The following WWOX variants were observed in gnomAD, a reference collection of about 807,000 sequenced individuals.
WWOX encodes the protein WW domain containing oxidoreductase.
WWOX carries 69 observed loss-of-function variants against 46.2 expected under a neutral mutation model. That is an observed-to-expected ratio of 1.49 (90% CI 1.23 to 1.82). WWOX has a LOEUF of 1.82. WWOX is among the 40% of genes most tolerant of loss of function. The probability of loss-of-function intolerance (pLI) is 0.00; values close to 1 mark genes in which losing one functional copy is unlikely to be tolerated. For synonymous variants in WWOX, 359 were observed against 202.6 expected (o/e 1.77, Z -6.56); for missense variants, 919 against 542.6 (o/e 1.69, Z -6.89).
chr16:78,499,825 C>G (rs1226231497), intron 8 of WWOX, among the ~76,000 whole-genome samples: 2 of 152,176 alleles, frequency 1.3e-5, no homozygotes, highest in African/African-American at 4.8e-5. Flanking sequence ...CCCATTGTCT[C>G]TGGATGCTGA....
chr16:78,315,464 C>G (rs1262062288), intron 5 of WWOX, among the ~76,000 whole-genome samples: 1 of 152,102 alleles, frequency 6.6e-6, no homozygotes, highest in South Asian at 2.1e-4. Flanking sequence ...GCCCGGCCAA[C>G]ATGGTGAGAC....
chr16:78,266,301 A>C (rs1046630088), intron 5 of WWOX, among the ~76,000 whole-genome samples: 1 of 152,224 alleles, frequency 6.6e-6, no homozygotes, highest in African/African-American at 2.4e-5. Context: ...GAAATTCCAG[A>C]GAGATCTGAA....
At chr16:78,645,734 C>G (rs60624620) in intron 8 of WWOX, among the ~76,000 whole-genome samples, 8,230 of 152,206 alleles carry the variant, frequency 0.054, 310 homozygotes, top group South Asian at 0.17. Flanking sequence ...TCATCAGCCA[C>G]GGCCTCCAAC....
At chr16:78,546,778 C>T (rs557994837) in intron 8 of WWOX, among the ~76,000 whole-genome samples, 27 of 152,182 alleles carry the variant, frequency 1.8e-4, no homozygotes, top group Admixed American at 1.4e-3. Context: ...AAGTTACTGA[C>T]GTGTGTTACC....
At chr16:79,042,829 C>G (rs999714845) in intron 8 of WWOX, among the ~76,000 whole-genome samples, 9 of 149,804 alleles carry the variant, frequency 6.0e-5, no homozygotes, top group African/African-American at 2.2e-4. Context: ...CAAAACAAAA[C>G]AAGAAACCCA....
rs141971379 is a variant in WWOX, at chr16:78,121,949, C to T, written c.409+6795C>T. Among the ~76,000 whole-genome samples the T allele has an allele frequency of 2.6e-3, 400 of 152,300 alleles. 5 individuals are homozygous for T. The highest frequency in any genetic ancestry group is 0.017 in the South Asian group (82 of 4,832). ...ATGCTGGGATTACAGGTGTGAACCG[C>T]TGTGCCTGGCCCGTGTTTCACTTTT... On this transcript the variant is annotated intron_variant, in intron 4 of 8. Transcript: ENST00000566780.
intron 8 of WWOX, among the ~76,000 whole-genome samples, chr16:78,512,854 C>A (rs2085396088): frequency 6.6e-6 from 1 of 152,110 alleles, no homozygotes. Flanking sequence ...CGAATGCAGC[C>A]CTCCCATTGG....
intron 7 of WWOX, among the ~76,000 whole-genome samples, chr16:78,430,171 A>G (rs2083181998): frequency 6.6e-6 from 1 of 152,154 alleles, no homozygotes; most frequent in Admixed American, 6.6e-5. Flanking sequence ...GAGTATGTGC[A>G]GGGGAATTCT....
chr16:78,973,625 G>C (rs1044367137), intron 8 of WWOX, among the ~76,000 whole-genome samples: 22 of 152,126 alleles, frequency 1.4e-4, no homozygotes. Context: ...ACCAACTTCA[G>C]GGTTTTATTT....
rs140000641 is a variant in WWOX, at chr16:78,913,152, C to T, written c.1057-298456C>T. ...GAAAAGATTTTGATTTCGATCATGG[C>T]AGTTGCTGTCGCTGAGGTAATATGA... On this transcript the variant is annotated intron_variant, in intron 8 of 8. Transcript: ENST00000566780. 4.6e-5 allele frequency among the ~76,000 whole-genome samples: 7 copies of T among 152,076 alleles called. No homozygotes were observed. In the East Asian group the frequency reaches 1.4e-3, roughly 29 times the overall value.
chr16:79,115,975 C>A (rs1254355403), intron 8 of WWOX, among the ~76,000 whole-genome samples: 2 of 152,196 alleles, frequency 1.3e-5, no homozygotes, highest in African/African-American at 2.4e-5. Flanking sequence ...CTCAATAAGG[C>A]AAGTCACATG....
chr16:78,358,916 C>T (rs1207364809), intron 5 of WWOX, among the ~76,000 whole-genome samples: 2 of 122,464 alleles, frequency 1.6e-5, no homozygotes, highest in East Asian at 2.2e-4. Context: ...GTTTCTATGT[C>T]AATACATACT....
chr16:78,584,093 G>T (rs2045132870), intron 8 of WWOX, among the ~76,000 whole-genome samples: 1 of 152,168 alleles, frequency 6.6e-6, no homozygotes, highest in Admixed American at 6.5e-5. Context: ...TGTGTGTTTG[G>T]TTTATGTCTT....
chr16:78,249,920 A>C (rs1022965613), intron 5 of WWOX, among the ~76,000 whole-genome samples: 2 of 152,182 alleles, frequency 1.3e-5, no homozygotes, highest in African/African-American at 4.8e-5. Flanking sequence ...GATAGCAAAG[A>C]GAACTCAGAA....
At chr16:79,183,154 C>T (rs537291193) in intron 8 of WWOX, among the ~76,000 whole-genome samples, 6 of 152,312 alleles carry the variant, frequency 3.9e-5, no homozygotes, top group South Asian at 2.1e-4. Flanking sequence ...GGGGAGAAGG[C>T]GTGAGCAGAG....
At chr16:79,200,164 A>G (rs965432856) in intron 8 of WWOX, among the ~76,000 whole-genome samples, 111 of 152,132 alleles carry the variant, frequency 7.3e-4, no homozygotes, top group African/African-American at 2.6e-3. Context: ...TACTGTTCAA[A>G]ATCACATGAC....
chr16:78,981,525 CT>C (rs1355782623), intron 8 of WWOX, among the ~76,000 whole-genome samples: 1 of 151,778 alleles, frequency 6.6e-6, no homozygotes, highest in African/African-American at 2.4e-5. Flanking sequence ...GCAACCTCCA[CT>C]TTCCGGGTTC....
rs116072329 is a variant in WWOX at position 78,813,741 on chromosome 16, G to A, written c.1056+380989G>A. On this transcript the variant is annotated intron_variant, in intron 8 of 8. Transcript: ENST00000566780. ...TACTTACTGCTTTCTCTTTGTCGCCGTTAATTTTGTTTGTCATATGTCAGA... is the reference window on the plus strand; with the variant it reads ...TACTTACTGCTTTCTCTTTGTCGCCATTAATTTTGTTTGTCATATGTCAGA... Among the ~76,000 whole-genome samples, 631 of 152,236 alleles carry A rather than the reference G, an allele frequency of 4.1e-3. 2 individuals are homozygous for A. Among genetic ancestry groups the A allele is most frequent in the African/African-American group, 0.014 (602 of 41,526 alleles).
At chr16:78,858,803 T>G (rs2052632611) in intron 8 of WWOX, among the ~76,000 whole-genome samples, 1 of 151,380 alleles carries the variant, frequency 6.6e-6, no homozygotes, top group Non-Finnish European at 1.5e-5. Flanking sequence ...CTCAGCCTCC[T>G]CAGTTGCTGG....
Sources: allele counts gnomAD v4.1 joint callset (sites outside exome capture counted in the v4.1 genomes callset), GRCh38; gene constraint gnomAD v4.1.1; transcripts MANE v1.5; gene names NCBI Gene and HGNC (gene_info 2026-07-23, HGNC 2026-07-21).